CALCOCO2: variants seen among roughly 807,000 people sequenced by gnomAD.
CALCOCO2 encodes the protein calcium binding and coiled-coil domain 2.
In CALCOCO2, 42 loss-of-function variants were observed where a neutral mutation model predicts 62.5. The observed-to-expected ratio is 0.67, with a 90% CI of 0.53 to 0.87. The LOEUF is 0.87. CALCOCO2 is among the 40% of genes least tolerant of loss of function. The probability of loss-of-function intolerance (pLI) is 0.00; values close to 1 mark genes in which losing one functional copy is unlikely to be tolerated. For synonymous variants in CALCOCO2, 167 were observed against 173.0 expected (o/e 0.97, Z 0.27); for missense variants, 456 against 515.0 (o/e 0.89, Z 1.11).
In CALCOCO2 at chr17:48,863,265, T is replaced by G; in HGVS notation, c.*260T>G. The G allele has an allele frequency of 2.4e-6, 1 of 419,276 alleles. No homozygotes were observed. The highest frequency in any genetic ancestry group is 4.5e-6 in the Non-Finnish European group (1 of 222,308). The allele number at this position is 419,276 out of a possible 1,614,324, so 26.0% of individuals were successfully genotyped here. ...CTCACCTGTCATTCTTCTGAGGGTC[T>G]CAGTACAAGGGCCCTGGGATGGAGC... On this transcript the variant is annotated 3_prime_UTR_variant, in exon 13 of 13. Coordinates refer to ENST00000258947, the MANE Select transcript of CALCOCO2 (RefSeq NM_005831.5).
chr17:48,855,254 T>C (rs1382783833), intron 9 of CALCOCO2, among the ~76,000 whole-genome samples: 1 of 152,164 alleles, frequency 6.6e-6, no homozygotes, highest in Non-Finnish European at 1.5e-5. Context: ...CCCTTTCTTA[T>C]TTCTGCCTTT....
chr17:48,859,486 C>T (rs1014429235), intron 10 of CALCOCO2, among the ~76,000 whole-genome samples: 1 of 151,948 alleles, frequency 6.6e-6, no homozygotes, highest in Non-Finnish European at 1.5e-5. Flanking sequence ...CCTGTAGTCC[C>T]AGCTACTAAG....
Position 48,852,955 on chromosome 17 carries a change from A to G in CALCOCO2, c.855A>G (p.Thr285=). The G allele has an allele frequency of 6.2e-7, 1 of 1,613,824 alleles. No individual in the cohort carries two copies. Among genetic ancestry groups the G allele is most frequent in the South Asian group, 1.1e-5 (1 of 91,078 alleles). The stretch of plus-strand genomic sequence containing the variant: ...AGGACCAGAAGAAGCTCGAGCAGAC[A>G]GTGGAGCAAATGAAGCAGAATGAAA... ...QRKDQKKLEQ[T]VEQMKQNETT... Residue 285 remains threonine, a synonymous_variant, in exon 9 of 13, where the codon ACA becomes ACG. Transcript: ENST00000258947.
At chr17:48,840,727 C>G (rs939484911) in intron 1 of CALCOCO2, among the ~76,000 whole-genome samples, 2 of 152,130 alleles carry the variant, frequency 1.3e-5, no homozygotes, top group Non-Finnish European at 1.5e-5. Flanking sequence ...TGTTTTGAAC[C>G]CGAGAGCATT....
At chr17:48,833,546 CAAAA>C (rs10583747) in intron 1 of CALCOCO2, among the ~76,000 whole-genome samples, 13 of 128,456 alleles carry the variant, frequency 1.0e-4, no homozygotes, top group East Asian at 2.2e-4. Context: ...GACTCTGTCT[CAAAA>C]AAAAAAAAAA....
At chr17:48,859,689 G>A (rs369812996) in intron 10 of CALCOCO2, among the ~76,000 whole-genome samples, 9 of 152,220 alleles carry the variant, frequency 5.9e-5, no homozygotes, top group African/African-American at 2.2e-4. Flanking sequence ...TGTTAATATA[G>A]CTCCTGCCAC....
chr17:48,853,620 A>G (rs932934516), intron 9 of CALCOCO2, among the ~76,000 whole-genome samples: 6 of 152,240 alleles, frequency 3.9e-5, no homozygotes, highest in African/African-American at 1.4e-4. Context: ...CCAGTCAACC[A>G]TTGAGTACCT....
rs1165141547 is a variant in CALCOCO2 at position 48,864,855 on chromosome 17, A to AGTT, written c.*1851_*1853dup. On this transcript the variant is annotated 3_prime_UTR_variant, in exon 13 of 13. Coordinates refer to ENST00000258947, the MANE Select transcript of CALCOCO2 (RefSeq NM_005831.5). Reference sequence around the variant, plus strand: ...TGTAATAGGGAGATGGTAATAAAGGAGTTTTTCTGGCACATACCCTCCCTA... The same window carrying AGTT: ...TGTAATAGGGAGATGGTAATAAAGGAGTTGTTTTTCTGGCACATACCCTCCCTA... 5 of 152,162 alleles carry AGTT rather than the reference A, an allele frequency of 3.3e-5. No homozygotes were observed. The highest frequency in any genetic ancestry group is 9.7e-5 in the African/African-American group (4 of 41,446). 9.4% of individuals were successfully genotyped at this position (152,162 alleles called of 1,614,324 possible).
chr17:48,850,777 G>A (rs1379914358), intron 5 of CALCOCO2, among the ~76,000 whole-genome samples: 1 of 151,974 alleles, frequency 6.6e-6, no homozygotes, highest in African/African-American at 2.4e-5. Flanking sequence ...TTGTGACCAG[G>A]CGCAGTGGCT....
chr17:48,857,570 G>A lies in CALCOCO2; in HGVS notation c.1008+1383G>A, dbSNP rs917911642. On this transcript the variant is annotated intron_variant, in intron 10 of 12. Coordinates refer to ENST00000258947, the MANE Select transcript of CALCOCO2 (RefSeq NM_005831.5). ...CAGCCTGGAGTGCAGTGGCATGATCGTGACTCACTACAACCTCCACCTCCT... is the reference window on the plus strand; with the variant it reads ...CAGCCTGGAGTGCAGTGGCATGATCATGACTCACTACAACCTCCACCTCCT... Among the ~76,000 whole-genome samples, 5 of 141,354 alleles carry A rather than the reference G, an allele frequency of 3.5e-5. No individual in the cohort carries two copies. The South Asian group carries it at 6.6e-4, about 19-fold the overall frequency. 92.7% of individuals were successfully genotyped at this position (141,354 alleles called of 152,430 possible).
chr17:48,860,335 A>C lies in CALCOCO2; in HGVS notation c.1030A>C (p.Arg344=), dbSNP rs2040309631. ...TTAGCTTTTGAAGAGGGAGAACAGCAGATTGCTCAGTTACATGGGTCTGGA... is the reference window on the plus strand; with the variant it reads ...TTAGCTTTTGAAGAGGGAGAACAGCCGATTGCTCAGTTACATGGGTCTGGA... ...ENDLLKRENS[R]LLSYMGLDFN... is the part of the protein sequence containing the mutation. The change falls in exon 11 of 13, where the codon AGA becomes CGA. Residue 344 remains arginine (R), a synonymous_variant. Coordinates refer to ENST00000258947, the MANE Select transcript of CALCOCO2 (RefSeq NM_005831.5). 6.2e-7 allele frequency: 1 copy of C among 1,613,648 alleles called. No homozygotes were observed. Among genetic ancestry groups the C allele is most frequent in the Non-Finnish European group, 8.5e-7 (1 of 1,179,672 alleles).
intron 9 of CALCOCO2, among the ~76,000 whole-genome samples, chr17:48,854,205 T>A (rs199912086): frequency 6.9e-6 from 1 of 144,372 alleles, no homozygotes; most frequent in African/African-American, 2.5e-5. Flanking sequence ...AATCCCAGCT[T>A]CTCAGGAGGC....
At chr17:48,842,127 ATGCTTTTTTTTT>A (rs1193152373) in intron 2 of CALCOCO2, 6 of 250,552 alleles carry the variant, frequency 2.4e-5, no homozygotes, top group Non-Finnish European at 3.8e-5. Context: ...AAATTTTGTT[ATGCTTTTTTTTT>A]TGCTTTTTTC....
chr17:48,853,089 G>T, intron 9 of CALCOCO2, 77 bp downstream of exon 9: 1 of 956,490 alleles, frequency 1.0e-6, no homozygotes, highest in South Asian at 1.3e-5. Flanking sequence ...CCTATTTTCC[G>T]GTTGATGGAC....
chr17:48,845,621 T>C (rs1325999787), intron 2 of CALCOCO2, among the ~76,000 whole-genome samples: 5 of 148,892 alleles, frequency 3.4e-5, no homozygotes, highest in Admixed American at 2.0e-4. Flanking sequence ...CCCAGCTACT[T>C]GGGAGGCTGA....
chr17:48,860,491 C>T lies in CALCOCO2; in HGVS notation c.1144+42C>T, dbSNP rs1488306539. 22 of 1,593,462 alleles carry T rather than the reference C, an allele frequency of 1.4e-5. No homozygotes were observed. In the Admixed American group the frequency reaches 3.2e-4, roughly 23 times the overall value. On this transcript the variant is annotated intron_variant, in intron 11 of 12. Coordinates refer to ENST00000258947, the MANE Select transcript of CALCOCO2 (RefSeq NM_005831.5). ...ATTCCAACTGGAAGGACCCTGCCTG[C>T]ATCCCTTTCCCCTACTAAATTTTTG...
chr17:48,847,839 G>T (rs1477408428), intron 2 of CALCOCO2: 3 of 388,038 alleles, frequency 7.7e-6, no homozygotes, highest in Non-Finnish European at 1.4e-5. Flanking sequence ...TATTTTAATG[G>T]AGACGGGTTT....
rs534107096 is a variant in CALCOCO2 at position 48,840,894 on chromosome 17, C to G, written c.-10-804C>G. On this transcript the variant is annotated intron_variant, in intron 1 of 12. Transcript: ENST00000258947. ...AACTATAACTAACGTCTCTTAAACC[C>G]TTTATGCAGACTCTGTGCTAAGTAC... is the stretch of plus-strand genomic sequence containing the variant. 2.6e-5 allele frequency among the ~76,000 whole-genome samples: 4 copies of G among 152,294 alleles called. No individual in the cohort carries two copies. The East Asian group carries it at 7.7e-4, about 29-fold the overall frequency.
intron 1 of CALCOCO2, among the ~76,000 whole-genome samples, chr17:48,840,849 A>G (rs1457778804): frequency 6.6e-6 from 1 of 152,182 alleles, no homozygotes; most frequent in Non-Finnish European, 1.5e-5. Flanking sequence ...CACAACTACA[A>G]CAGTAATAAC....
Sources: gnomAD v4.1 joint callset for allele counts (sites outside exome capture counted in the v4.1 genomes callset) on GRCh38, gnomAD v4.1.1 for gene constraint, MANE v1.5 for transcripts, NCBI Gene and HGNC (gene_info 2026-07-23, HGNC 2026-07-21) for gene names.